FRAS1: variants seen among roughly 807,000 people sequenced by gnomAD.
FRAS1 encodes extracellular matrix organizing protein FRAS1.
FRAS1 carries 290 observed loss-of-function variants against 435.2 expected under a neutral mutation model. The observed-to-expected ratio is 0.67, with a 90% CI of 0.61 to 0.73. FRAS1 has a LOEUF of 0.73. Among genes scored for constraint, FRAS1 ranks in the 30% least tolerant of loss-of-function variants. The pLI is 0.00. For missense variants in FRAS1, 4,860 were observed against 5,001.5 expected (o/e 0.97, Z 0.85); for synonymous variants, 1,800 against 1,851.0 (o/e 0.97, Z 0.71).
chr4:78,464,623 G>A, intron 49 of FRAS1, 40 bp downstream of exon 49: 1 of 1,606,866 alleles, frequency 6.2e-7, no homozygotes, highest in Non-Finnish European at 8.5e-7. Context: ...GGCTAAATGA[G>A]AGGCTGACCT....
intron 18 of FRAS1, among the ~76,000 whole-genome samples, chr4:78,326,873 C>G (rs1306883616): frequency 2.0e-5 from 3 of 152,150 alleles, no homozygotes; most frequent in Admixed American, 6.6e-5. Context: ...CCCACACACA[C>G]TACCTGGCCA....
chr4:78,361,144 A>G (rs1442896455), intron 20 of FRAS1, among the ~76,000 whole-genome samples: 1 of 152,260 alleles, frequency 6.6e-6, no homozygotes, highest in Non-Finnish European at 1.5e-5. Flanking sequence ...ATAAAACACT[A>G]TCACCTTCAT....
At position 78,452,087 on chromosome 4, in the gene FRAS1, C is replaced by T. The variant is rs1719043649; in HGVS notation, c.6584-88C>T. On this transcript the variant is annotated intron_variant, in intron 46 of 73. Transcript: ENST00000512123. ...CTAACACACAGGCCTAGAGATGACTCTGACCTTACTTCTTGGCACCAGGCC... is the reference window on the plus strand; with the variant it reads ...CTAACACACAGGCCTAGAGATGACTTTGACCTTACTTCTTGGCACCAGGCC... The T allele has an allele frequency of 2.1e-6, 3 of 1,429,440 alleles. No individual in the cohort carries two copies. In the East Asian group the frequency reaches 6.8e-5, roughly 33 times the overall value. 88.5% of individuals were successfully genotyped at this position (1,429,440 alleles called of 1,614,324 possible).
intron 35 of FRAS1, among the ~76,000 whole-genome samples, chr4:78,426,301 G>A (rs1733995638): frequency 1.3e-5 from 2 of 152,162 alleles, no homozygotes; most frequent in Non-Finnish European, 1.5e-5. Flanking sequence ...TAGGTGAAGG[G>A]TTAACAATTA....
chr4:78,312,529 A>G (rs570074620), intron 15 of FRAS1, among the ~76,000 whole-genome samples: 1 of 152,214 alleles, frequency 6.6e-6, no homozygotes, highest in East Asian at 1.9e-4. Context: ...TGAATTCTTA[A>G]GAAAACTCAA....
chr4:78,115,513 T>G (rs1743093866), intron 2 of FRAS1, among the ~76,000 whole-genome samples: 1 of 152,238 alleles, frequency 6.6e-6, no homozygotes, highest in African/African-American at 2.4e-5. Context: ...CAGAGCCTGT[T>G]ATTGATCTAT....
intron 32 of FRAS1, among the ~76,000 whole-genome samples, chr4:78,418,679 C>A (rs943162669): frequency 6.6e-6 from 1 of 152,156 alleles, no homozygotes; most frequent in Non-Finnish European, 1.5e-5. Context: ...ATCCCAACCG[C>A]GTGCACTGGC....
chr4:78,221,403 C>T (rs188785527), intron 2 of FRAS1, among the ~76,000 whole-genome samples: 217 of 152,102 alleles, frequency 1.4e-3, no homozygotes, highest in Non-Finnish European at 2.4e-3. Flanking sequence ...TAGAATTACC[C>T]GAGGGTTTTT....
In FRAS1 at chr4:78,387,619, G is replaced by A. The variant is rs754188056; in HGVS notation, c.3893G>A (p.Ser1298Asn). The change falls in exon 29 of 74, where the codon AGC becomes AAC. Residue 1298 changes from serine (S) to asparagine (N), a missense_variant. Coordinates refer to ENST00000512123, the MANE Select transcript of FRAS1 (RefSeq NM_025074.7). ...CACTATGCTCATGATGGTTCAGACA[G>A]CACATCCGATGTTGCAGTCTTGCAG... ...LLHYAHDGSD[S>N]TSDVAVLQAN... The A allele has an allele frequency of 6.2e-6, 10 of 1,610,970 alleles. No homozygotes were observed. Among genetic ancestry groups the A allele is most frequent in the Non-Finnish European group, 8.5e-6 (10 of 1,177,862 alleles).
Position 78,425,551 on chromosome 4 carries a change from A to T in FRAS1, c.4711+1131A>T, listed in dbSNP as rs115251368. ...ATGGAGGGAAAAATGTTAGCAGTAG[A>T]GTTGCCTCTCTATAACTCCCAGCTC... On this transcript the variant is annotated intron_variant, in intron 35 of 73. Transcript: ENST00000512123. 3.0e-3 allele frequency among the ~76,000 whole-genome samples: 450 copies of T among 152,302 alleles called. 2 individuals are homozygous for T. The highest frequency in any genetic ancestry group is 0.01 in the African/African-American group (420 of 41,562).
intron 2 of FRAS1, chr4:78,068,736 C>G (rs1190639227): frequency 5.3e-6 from 2 of 374,770 alleles, no homozygotes; most frequent in African/African-American, 4.2e-5. Flanking sequence ...GGAAAAACAG[C>G]TGTACAAGAT....
rs1578333050 is a variant in FRAS1 at position 78,451,954 on chromosome 4, A to ACACTT, written c.6583+64_6583+68dup. 8 of 1,506,438 alleles carry ACACTT rather than the reference A, an allele frequency of 5.3e-6. No individual in the cohort carries two copies. In the African/African-American group the frequency reaches 9.8e-5, roughly 18 times the overall value. 93.3% of individuals were successfully genotyped at this position (1,506,438 alleles called of 1,614,324 possible). On this transcript the variant is annotated intron_variant, in intron 46 of 73. Transcript: ENST00000512123. Reference sequence around the variant, plus strand: ...TAGCAGTTCTGAGGTTATATAGTTTACACTTTGTTCACCTCGAGGCTCGAG... The same window carrying ACACTT: ...TAGCAGTTCTGAGGTTATATAGTTTACACTTCACTTTGTTCACCTCGAGGCTCGAG...
chr4:78,466,469 G>C (rs190368915), intron 50 of FRAS1, 34 bp downstream of exon 50: 2 of 1,469,756 alleles, frequency 1.4e-6, no homozygotes, highest in South Asian at 1.2e-5. Flanking sequence ...AGGTAGCCTA[G>C]CACTGCATGG....
At chr4:78,174,543 A>G (rs986420735) in intron 2 of FRAS1, among the ~76,000 whole-genome samples, 1 of 152,226 alleles carries the variant, frequency 6.6e-6, no homozygotes, top group Non-Finnish European at 1.5e-5. Flanking sequence ...CCAGTATGGA[A>G]GGGAGGGAAA....
chr4:78,319,081 AT>A, intron 18 of FRAS1, 95 bp downstream of exon 18: 1 of 1,253,816 alleles, frequency 8.0e-7, no homozygotes, highest in Non-Finnish European at 1.1e-6. Flanking sequence ...CCGATGTTTA[AT>A]TTTAGAATGG....
At chr4:78,099,036 CCT>C (rs1163874379) in intron 2 of FRAS1, among the ~76,000 whole-genome samples, 1 of 152,156 alleles carries the variant, frequency 6.6e-6, no homozygotes, top group Non-Finnish European at 1.5e-5. Context: ...TTTACAACTT[CCT>C]CTCTGTTTCC....
At chr4:78,357,868 T>G (rs2035512) in intron 20 of FRAS1, among the ~76,000 whole-genome samples, 23,072 of 152,154 alleles carry the variant, frequency 0.15, 2,240 homozygotes, top group Non-Finnish European at 0.22. Flanking sequence ...GCCTCTGTAC[T>G]CCAGTGTGGG....
intron 9 of FRAS1, among the ~76,000 whole-genome samples, chr4:78,277,586 A>G (rs1438709335): frequency 6.6e-6 from 1 of 152,174 alleles, no homozygotes; most frequent in Non-Finnish European, 1.5e-5. Context: ...GTTAGTGTAT[A>G]CACATGAAAA....
intron 2 of FRAS1, among the ~76,000 whole-genome samples, chr4:78,191,030 A>G (rs1372907202): frequency 6.6e-6 from 1 of 152,184 alleles, no homozygotes; most frequent in Non-Finnish European, 1.5e-5. Flanking sequence ...GCACACTGAA[A>G]AACACTCAGT....
Sources: gnomAD v4.1 joint callset for allele counts (sites outside exome capture counted in the v4.1 genomes callset) on GRCh38, gnomAD v4.1.1 for gene constraint, MANE v1.5 for transcripts, NCBI Gene and HGNC (gene_info 2026-07-23, HGNC 2026-07-21) for gene names.